BMX: variants seen among roughly 807,000 people sequenced by gnomAD.
The protein encoded by BMX is BMX non-receptor tyrosine kinase.
Under a neutral mutation model 59.2 loss-of-function variants are expected in BMX, and 31 were observed. The observed-to-expected ratio is 0.52, with a 90% CI of 0.39 to 0.71. The LOEUF (loss-of-function observed/expected upper bound fraction) is 0.71. Ranked by LOEUF, BMX falls within the 30% of genes least tolerant of loss-of-function variation. The probability of loss-of-function intolerance (pLI) is 0.00; values close to 1 mark genes in which losing one functional copy is unlikely to be tolerated. For synonymous variants in BMX, 185 were observed against 181.0 expected (o/e 1.02, Z -0.18); for missense variants, 474 against 491.7 (o/e 0.96, Z 0.34).
intron 14 of BMX, 130 bp from the exon 15 acceptor site, chrX:15,541,852 C>G: frequency 1.6e-6 from 1 of 632,487 alleles, no homozygotes; most frequent in Non-Finnish European, 2.4e-6. Context: ...TTTTCCCTCT[C>G]TTTCTCTGTT....
At chrX:15,502,658 C>CAT (rs1237369124) in intron 1 of BMX, among the ~76,000 whole-genome samples, 4 of 112,178 alleles carry the variant, frequency 3.6e-5, no homozygotes, top group Non-Finnish European at 7.5e-5. Flanking sequence ...CCCTCTCCTG[C>CAT]ATAACATCAT....
At chrX:15,506,359 C>A (rs757734405) in intron 1 of BMX, among the ~76,000 whole-genome samples, 2 of 112,494 alleles carry the variant, frequency 1.8e-5, no homozygotes, top group African/African-American at 6.5e-5. Context: ...AGTAAATTTT[C>A]TATTCAACTA....
rs1236633479 is a variant in BMX at position 15,537,256 on chromosome X, G to C, written c.1345G>C (p.Glu449Gln). The change falls in exon 14 of 19, where the codon GAG becomes CAG. Residue 449 changes from glutamate to glutamine, a missense_variant. Transcript: ENST00000348343. ...TGATGTTGCTGTTAAGATGATCAAGGAGGGCTCCATGTCAGAAGATGAATT... is the reference window on the plus strand; with the variant it reads ...TGATGTTGCTGTTAAGATGATCAAGCAGGGCTCCATGTCAGAAGATGAATT... ...QYDVAVKMIK[E>Q]GSMSEDEFFQ... is the part of the protein sequence containing the mutation. The C allele has an allele frequency of 8.3e-7, 1 of 1,208,313 alleles. No individual in the cohort carries two copies. Among genetic ancestry groups the C allele is most frequent in the African/African-American group, 1.8e-5 (1 of 56,859 alleles).
At chrX:15,534,504 G>A (rs1388184663) in intron 12 of BMX, among the ~76,000 whole-genome samples, 165 bp downstream of exon 12, 1 of 111,039 alleles carries the variant, frequency 9.0e-6, no homozygotes, top group African/African-American at 3.3e-5. Flanking sequence ...ACATTCCCAG[G>A]AATATAACAT....
intron 15 of BMX, among the ~76,000 whole-genome samples, chrX:15,542,563 GA>G (rs111734465): frequency 0.039 from 3,892 of 100,265 alleles, 165 homozygotes; most frequent in African/African-American, 0.13. Context: ...AACTGAACAT[GA>G]AAAAAAAAAA....
At position 15,505,436 on chromosome X, in the gene BMX, G is replaced by C. The variant is rs374713238; in HGVS notation, c.-9-2909G>C. Among the ~76,000 whole-genome samples the C allele has an allele frequency of 8.9e-5, 10 of 111,886 alleles. No homozygotes were observed. In the East Asian group the frequency reaches 2.2e-3, roughly 25 times the overall value. Reference sequence around the variant, plus strand: ...CAAAAACGTGTGGCTTCAGGTGTTTGTTACACGAGAACAACATATTACGGA... The same window carrying C: ...CAAAAACGTGTGGCTTCAGGTGTTTCTTACACGAGAACAACATATTACGGA... On this transcript the variant is annotated intron_variant, in intron 1 of 18. Transcript: ENST00000348343.
At position 15,522,607 on chromosome X, in the gene BMX, C is replaced by T. The variant is rs1255476483; in HGVS notation, c.752+20C>T. 25 of 1,207,455 alleles carry T rather than the reference C, an allele frequency of 2.1e-5. No individual in the cohort carries two copies. Among genetic ancestry groups the T allele is most frequent in the Non-Finnish European group, 2.5e-5 (22 of 893,897 alleles). ...GAAAAGGTAATCCCCAGCTTTCAGA[C>T]GGGCTGCCCAGCATGTAGAGTAAAC... On this transcript the variant is annotated intron_variant, in intron 7 of 18. Transcript: ENST00000348343.
chrX:15,518,009 A>G lies in BMX; in HGVS notation c.510+16A>G. The stretch of plus-strand genomic sequence containing the variant: ...AGACAGAGTGGTAAGTCAACATTTT[A>G]AAAATGTTTTTCATGGTCAGGATAT... On this transcript the variant is annotated intron_variant, in intron 6 of 18. Transcript: ENST00000348343. 1 of 1,184,723 alleles carries G rather than the reference A, an allele frequency of 8.4e-7. No individual in the cohort carries two copies.
chrX:15,549,693 A>G, intron 17 of BMX, 147 bp from the exon 18 acceptor site: 2 of 639,195 alleles, frequency 3.1e-6, no homozygotes, highest in Non-Finnish European at 4.6e-6. Flanking sequence ...AGCTCTGCTC[A>G]TTTCGCTGGG....
At chrX:15,523,362 A>G (rs778861654) in intron 7 of BMX, among the ~76,000 whole-genome samples, 2 of 112,384 alleles carry the variant, frequency 1.8e-5, no homozygotes, top group South Asian at 7.4e-4. Context: ...CTCACCATGT[A>G]TCTCTTTTCT....
chrX:15,512,432 C>G (rs757830540), intron 4 of BMX, among the ~76,000 whole-genome samples: 2 of 111,676 alleles, frequency 1.8e-5, no homozygotes, highest in South Asian at 7.6e-4. Context: ...CACACAGTTA[C>G]TCCACTTTGA....
chrX:15,522,924 T>C (rs1924538552), intron 7 of BMX, among the ~76,000 whole-genome samples: 1 of 112,381 alleles, frequency 8.9e-6, no homozygotes, highest in Non-Finnish European at 1.9e-5. Context: ...ATGGGCTTAC[T>C]TTTGTAATGT....
At chrX:15,548,267 G>C (rs1926036464) in intron 17 of BMX, among the ~76,000 whole-genome samples, 1 of 110,480 alleles carries the variant, frequency 9.1e-6, no homozygotes, top group Non-Finnish European at 1.9e-5. Context: ...GACCAGCCCA[G>C]CCAACATGGC....
At position 15,550,347 on chromosome X, in the gene BMX, T is replaced by C. The variant is rs182259051; in HGVS notation, c.1953+350T>C. 7.7e-3 allele frequency among the ~76,000 whole-genome samples: 858 copies of C among 111,030 alleles called. 21 individuals carry two copies. The highest frequency in any genetic ancestry group is 0.077 in the Admixed American group (800 of 10,434). On this transcript the variant is annotated intron_variant, in intron 18 of 18. Coordinates refer to ENST00000348343, the MANE Select transcript of BMX (RefSeq NM_203281.3). ...CCAAGGTCACATAGCTAGTAAGAAG[T>C]AGACTAGCTAGTGCCAGCGTCCCTG...
rs1418508053 is a variant in BMX, at chrX:15,549,905, G to C, written c.1861G>C (p.Val621Leu). The C allele has an allele frequency of 8.3e-7, 1 of 1,210,496 alleles. No individual in the cohort carries two copies. The highest frequency in any genetic ancestry group is 2.2e-5 in the Admixed American group (1 of 45,912). The change falls in exon 18 of 19, where the codon GTG becomes CTG. Residue 621 changes from valine (V) to leucine (L), a missense_variant. Coordinates refer to ENST00000348343, the MANE Select transcript of BMX (RefSeq NM_203281.3). The stretch of plus-strand genomic sequence containing the variant: ...CTATGACTTGTATGACAACTCCCAG[G>C]TGGTTCTGAAGGTCTCCCAGGGCCA... ...QPYDLYDNSQ[V>L]VLKVSQGHRL...
rs746299719 is a variant in BMX at position 15,511,811 on chromosome X, T to C, written c.325+293T>C. On this transcript the variant is annotated intron_variant, in intron 4 of 18. Transcript: ENST00000348343. ...CAGGCCACCTGCTCTCCACTCAGTA[T>C]GCTTGCCTTTACCAGGGGAAAGTCT... Among the ~76,000 whole-genome samples, 7 of 111,994 alleles carry C rather than the reference T, an allele frequency of 6.3e-5. No homozygotes were observed. In the South Asian group the frequency reaches 2.6e-3, roughly 41 times the overall value.
intron 10 of BMX, among the ~76,000 whole-genome samples, chrX:15,530,893 A>G (rs1925036648): frequency 8.9e-6 from 1 of 112,187 alleles, no homozygotes; most frequent in African/African-American, 3.2e-5. Context: ...TGTCACATTC[A>G]TAGTTTATAA....
intron 5 of BMX, 75 bp downstream of exon 5, chrX:15,516,306 G>A (rs1253688462): frequency 8.8e-7 from 1 of 1,138,828 alleles, no homozygotes; most frequent in East Asian, 3.0e-5. Context: ...CCAGAGGCCA[G>A]AAGAGCTTGC....
At chrX:15,522,715 G>C in intron 7 of BMX, 128 bp downstream of exon 7, 2 of 990,248 alleles carry the variant, frequency 2.0e-6, no homozygotes, top group Admixed American at 3.2e-5. Context: ...TTCAGTGCTT[G>C]AGCCAGAAGT....
Sources: allele counts gnomAD v4.1 joint callset (sites outside exome capture counted in the v4.1 genomes callset), GRCh38; gene constraint gnomAD v4.1.1; transcripts MANE v1.5; gene names NCBI Gene and HGNC (gene_info 2026-07-23, HGNC 2026-07-21).